Variants in MKLN1 observed in about 807,000 individuals in gnomAD.
MKLN1 encodes muskelin 1.
Under a neutral mutation model 99.0 loss-of-function variants are expected in MKLN1, and 18 were observed. That is an observed-to-expected ratio of 0.18 (90% confidence interval 0.13 to 0.27). The LOEUF is 0.27. Among genes scored for constraint, MKLN1 ranks in the 10% least tolerant of loss-of-function variants. MKLN1 has a pLI of 1.00. For synonymous variants in MKLN1, 288 were observed against 293.2 expected (o/e 0.98, Z 0.18); for missense variants, 621 against 875.9 (o/e 0.71, Z 3.67).
chr7:131,165,277 C>T (rs1297299985), intron 2 of MKLN1, among the ~76,000 whole-genome samples: 1 of 152,228 alleles, frequency 6.6e-6, no homozygotes, highest in South Asian at 2.1e-4. Flanking sequence ...CCTCTGCCTC[C>T]CAGGTTCAAG....
intron 1 of MKLN1, among the ~76,000 whole-genome samples, chr7:131,333,305 G>T (rs1325879319): frequency 1.3e-5 from 2 of 152,036 alleles, no homozygotes; most frequent in Non-Finnish European, 2.9e-5. Flanking sequence ...CAGCTCCTGG[G>T]CTCAAGTGAT....
At chr7:131,295,168 T>TTTTTA (rs1798272237) in intron 3 of MKLN1, among the ~76,000 whole-genome samples, 1 of 152,274 alleles carries the variant, frequency 6.6e-6, no homozygotes, top group African/African-American at 2.4e-5. Context: ...TTTGCTCTTA[T>TTTTTA]TTTTATTTTA....
intron 1 of MKLN1, among the ~76,000 whole-genome samples, chr7:131,344,845 A>G (rs1169665625): frequency 6.6e-6 from 1 of 152,120 alleles, no homozygotes; most frequent in African/African-American, 2.4e-5. Context: ...TCTGTTGCCC[A>G]GGCTGGAGTG....
At chr7:131,170,029 A>G (rs1255886304) in intron 2 of MKLN1, among the ~76,000 whole-genome samples, 1 of 152,164 alleles carries the variant, frequency 6.6e-6, no homozygotes, top group Non-Finnish European at 1.5e-5. Flanking sequence ...GTTTGAGGCT[A>G]TAGTGAGCTA....
intron 2 of MKLN1, among the ~76,000 whole-genome samples, chr7:131,168,288 C>T (rs1292523401): frequency 2.0e-5 from 3 of 152,096 alleles, no homozygotes; most frequent in Non-Finnish European, 4.4e-5. Flanking sequence ...CCTCCCATGC[C>T]TCATTCCTCC....
At chr7:131,338,455 A>T (rs1348167868) in intron 1 of MKLN1, among the ~76,000 whole-genome samples, 2 of 152,266 alleles carry the variant, frequency 1.3e-5, no homozygotes, top group Non-Finnish European at 2.9e-5. Context: ...AAAGCTGCAC[A>T]GAATGTCAGA....
At chr7:131,299,394 C>G (rs1024781999) in intron 3 of MKLN1, among the ~76,000 whole-genome samples, 1 of 152,216 alleles carries the variant, frequency 6.6e-6, no homozygotes, top group East Asian at 1.9e-4. Context: ...GGGGCCAATA[C>G]AGGAAATTAT....
At chr7:131,250,360 G>A (rs546674922) in intron 3 of MKLN1, among the ~76,000 whole-genome samples, 64 of 152,272 alleles carry the variant, frequency 4.2e-4, no homozygotes, top group African/African-American at 1.4e-3. Flanking sequence ...GGACTCCCCC[G>A]GTGTCCCCTA....
chr7:131,138,786 G>A (rs1317967335), intron 1 of MKLN1, among the ~76,000 whole-genome samples: 2 of 152,136 alleles, frequency 1.3e-5, no homozygotes, highest in Non-Finnish European at 2.9e-5. Context: ...TATATGTGAT[G>A]TTTACCAATG....
At chr7:131,318,938 T>G (rs1798719718) in intron 3 of MKLN1, among the ~76,000 whole-genome samples, 1 of 152,126 alleles carries the variant, frequency 6.6e-6, no homozygotes. Flanking sequence ...GGCTCTGAAA[T>G]TGAGGCAGTA....
In MKLN1 at chr7:131,429,143, G is replaced by A. The variant is rs754607249; in HGVS notation, c.958G>A (p.Glu320Lys). ...WTCISRDTEKENGPSARSCHK... is the reference protein window; with the variant it reads ...WTCISRDTEKKNGPSARSCHK... The stretch of plus-strand genomic sequence containing the variant: ...ATGTATCTCTAGAGACACTGAAAAA[G>A]AGGCAAGTTCTCAGACTTTTCATAC... Residue 320 changes from glutamate (E) to lysine (K), a missense_variant and splice_region_variant, in exon 9 of 18, where the codon GAG (glutamate) becomes AAG (lysine). Transcript: ENST00000352689. 1.2e-5 allele frequency: 19 copies of A among 1,607,416 alleles called. No homozygotes were observed. Among genetic ancestry groups the A allele is most frequent in the East Asian group, 1.1e-4 (5 of 44,810 alleles).
At chr7:131,344,968 A>AT (rs1002145536) in intron 1 of MKLN1, among the ~76,000 whole-genome samples, 6 of 151,152 alleles carry the variant, frequency 4.0e-5, no homozygotes, top group East Asian at 1.9e-4. Flanking sequence ...CGCCTGGCTA[A>AT]TTTTTTTTTG....
At chr7:131,239,570 G>C (rs998388209) in intron 3 of MKLN1, among the ~76,000 whole-genome samples, 35 of 152,080 alleles carry the variant, frequency 2.3e-4, no homozygotes, top group African/African-American at 8.2e-4. Flanking sequence ...TTCCCACCTC[G>C]GTCTCCTAAA....
intron 3 of MKLN1, among the ~76,000 whole-genome samples, chr7:131,217,967 A>G (rs1300007161): frequency 6.6e-6 from 1 of 152,186 alleles, no homozygotes; most frequent in Non-Finnish European, 1.5e-5. Context: ...AGGACAGGAG[A>G]TAATTCTCAA....
chr7:131,157,074 G>A (rs1188016905), intron 2 of MKLN1, among the ~76,000 whole-genome samples: 3 of 152,100 alleles, frequency 2.0e-5, no homozygotes, highest in Non-Finnish European at 1.5e-5. Context: ...AGGATCAAAT[G>A]TTCTACTTGA....
At chr7:131,243,625 G>A (rs1283021246) in intron 3 of MKLN1, among the ~76,000 whole-genome samples, 4 of 152,156 alleles carry the variant, frequency 2.6e-5, no homozygotes, top group African/African-American at 9.7e-5. Flanking sequence ...AAATTAGCTG[G>A]CCAAGGCTAA....
intron 10 of MKLN1, among the ~76,000 whole-genome samples, chr7:131,440,823 C>T (rs768762613): frequency 3.1e-4 from 47 of 151,950 alleles, no homozygotes; most frequent in Non-Finnish European, 5.9e-4. Context: ...GATTTTACTC[C>T]GCATGTCAAA....
intron 8 of MKLN1, among the ~76,000 whole-genome samples, chr7:131,428,194 TAAA>T (rs1795415608): frequency 1.3e-5 from 2 of 151,816 alleles, no homozygotes; most frequent in Non-Finnish European, 2.9e-5. Flanking sequence ...ATAATAAAAA[TAAA>T]GAAGGATCTA....
rs570849724 is a variant in MKLN1 at position 131,257,249 on chromosome 7, G to T, written c.-179+54275G>T. On this transcript the variant is annotated intron_variant, in intron 3 of 7. Transcript: ENST00000416992. ...AGAACATGCCTTAATACATTTAAAA[G>T]ATTTGAAGTTATATAAAGCATGACT... 2.0e-5 allele frequency among the ~76,000 whole-genome samples: 3 copies of T among 152,214 alleles called. No homozygotes were observed. In the East Asian group the frequency reaches 5.8e-4, roughly 29 times the overall value.
Sources: allele counts gnomAD v4.1 joint callset (sites outside exome capture counted in the v4.1 genomes callset), GRCh38; gene constraint gnomAD v4.1.1; transcripts MANE v1.5; gene names NCBI Gene and HGNC (gene_info 2026-07-23, HGNC 2026-07-21).